The following HOXC4 variants were observed in gnomAD, a reference collection of about 807,000 sequenced individuals.
The protein encoded by HOXC4 is homeobox protein Hox-C4.
A neutral mutation model predicts 25.5 loss-of-function variants in HOXC4; 15 were observed. The ratio of observed to expected loss-of-function variants is 0.59; its 90% CI spans 0.39 to 0.91. HOXC4 has a LOEUF of 0.91. Ranked by LOEUF, HOXC4 falls within the 40% of genes least tolerant of loss-of-function variation. The pLI is 0.00. For missense variants in HOXC4, 342 were observed against 352.4 expected (o/e 0.97, Z 0.24); for synonymous variants, 165 against 148.0 (o/e 1.11, Z -0.83).
intron 1 of HOXC4, among the ~76,000 whole-genome samples, chr12:54,026,171 A>G (rs1244592404): frequency 6.6e-6 from 1 of 152,064 alleles, no homozygotes; most frequent in African/African-American, 2.4e-5. Context: ...TACTTGTTAC[A>G]CCACTACCCT....
intron 1 of HOXC4, among the ~76,000 whole-genome samples, chr12:54,042,113 G>A (rs1941286245): frequency 6.6e-6 from 1 of 151,896 alleles, no homozygotes; most frequent in African/African-American, 2.4e-5. Context: ...TGAGTAGCTG[G>A]GATTAGAGGC....
intron 1 of HOXC4, among the ~76,000 whole-genome samples, chr12:54,032,431 C>T (rs1941020799): frequency 6.6e-6 from 1 of 152,232 alleles, no homozygotes; most frequent in Admixed American, 6.5e-5. Flanking sequence ...GGGACTTCTA[C>T]CTTTGGTTTA....
At chr12:54,050,847 T>C (rs574115884), upstream of HOXC4, among the ~76,000 whole-genome samples, 583 of 152,318 alleles carry the variant, frequency 3.8e-3, 4 homozygotes, top group South Asian at 5.2e-3. Flanking sequence ...TACATATTTA[T>C]AGCTGCATAA....
At chr12:54,023,793 G>A (rs1015240354) in intron 1 of HOXC4, among the ~76,000 whole-genome samples, 6 of 152,080 alleles carry the variant, frequency 3.9e-5, no homozygotes, top group Non-Finnish European at 7.4e-5. Flanking sequence ...TGTGTGTAGC[G>A]GGGGCAGGTA....
At chr12:54,024,488 A>G (rs921250424) in intron 1 of HOXC4, among the ~76,000 whole-genome samples, 1 of 152,138 alleles carries the variant, frequency 6.6e-6, no homozygotes, top group African/African-American at 2.4e-5. Flanking sequence ...AGACAGGGAG[A>G]ACACAACTAA....
At chr12:54,028,669 T>A in intron 1 of HOXC4, 1 of 1,614,146 alleles carries the variant, frequency 6.2e-7, no homozygotes, top group Non-Finnish European at 8.5e-7. Context: ...GAACCGGATC[T>A]ACTCGACTCC....
intron 1 of HOXC4, chr12:54,020,985 C>T (rs1389534887): frequency 1.3e-5 from 2 of 152,242 alleles, no homozygotes; most frequent in Admixed American, 6.5e-5. Context: ...TTTTCACGGG[C>T]ATGGTGGGGC....
At chr12:54,022,100 C>T (rs1193505735) in intron 1 of HOXC4, 2 of 152,278 alleles carry the variant, frequency 1.3e-5, no homozygotes, top group African/African-American at 4.8e-5. Context: ...GCTTTTCTTC[C>T]TTCCCCTGGT....
At chr12:54,023,923 C>T (rs1234714255) in intron 1 of HOXC4, among the ~76,000 whole-genome samples, 5 of 152,184 alleles carry the variant, frequency 3.3e-5, no homozygotes, top group South Asian at 4.1e-4. Context: ...GACCAGGAGG[C>T]TCTTTGCGAT....
chr12:54,054,142 G>A lies in HOXC4; in HGVS notation c.220G>A (p.Gly74Arg). 6.2e-7 allele frequency: 1 copy of A among 1,614,002 alleles called. No individual in the cohort carries two copies. The highest frequency in any genetic ancestry group is 8.5e-7 in the Non-Finnish European group (1 of 1,179,982). ...CCAGTATAGCTGCACCAGTCTCCAGGGGCCCGGCAATTCGCGAGGCCACGG... is the reference window on the plus strand; with the variant it reads ...CCAGTATAGCTGCACCAGTCTCCAGAGGCCCGGCAATTCGCGAGGCCACGG... The part of the protein sequence containing the change: ...ERQYSCTSLQ[G>R]PGNSRGHGPA... Residue 74 changes from glycine (G) to arginine (R), a missense_variant, in exon 1 of 2, where the codon GGG becomes AGG. Gly to Arg is a moderately radical substitution (Grantham distance 125). Coordinates refer to ENST00000430889, the MANE Select transcript of HOXC4 (RefSeq NM_153633.3).
intron 1 of HOXC4, among the ~76,000 whole-genome samples, chr12:54,019,563 C>T (rs1023638693): frequency 6.6e-6 from 1 of 152,298 alleles, no homozygotes; most frequent in Non-Finnish European, 1.5e-5. Flanking sequence ...TGGATGGCCG[C>T]TGATGGGGGG....
At chr12:54,028,825 C>G in intron 1 of HOXC4, 1 of 1,614,160 alleles carries the variant, frequency 6.2e-7, no homozygotes, top group Non-Finnish European at 8.5e-7. Flanking sequence ...CTCAATCGCT[C>G]AGGATTTTAG....
chr12:54,018,843 C>T (rs1333266559), intron 1 of HOXC4, among the ~76,000 whole-genome samples: 1 of 152,152 alleles, frequency 6.6e-6, no homozygotes, highest in Non-Finnish European at 1.5e-5. Flanking sequence ...CCCCCTCTAC[C>T]CCCACCCTCT....
chr12:54,029,883 G>A (rs1337060472), intron 1 of HOXC4: 4 of 1,602,412 alleles, frequency 2.5e-6, no homozygotes, highest in Non-Finnish European at 3.4e-6. Flanking sequence ...TCGGGGGGCG[G>A]CGGAGGGGCC....
chr12:54,025,408 G>C (rs960773439), intron 1 of HOXC4, among the ~76,000 whole-genome samples: 1 of 151,810 alleles, frequency 6.6e-6, no homozygotes, highest in African/African-American at 2.4e-5. Flanking sequence ...AGGGAAGATC[G>C]GGCTCATCTG....
intron 1 of HOXC4, among the ~76,000 whole-genome samples, chr12:54,044,067 C>T (rs1372600172): frequency 6.6e-6 from 1 of 151,644 alleles, no homozygotes; most frequent in African/African-American, 2.4e-5. Context: ...ATTGAGGGTG[C>T]TTTTCCTGTT....
chr12:54,038,934 C>A (rs769894927), intron 1 of HOXC4, among the ~76,000 whole-genome samples: 1 of 152,102 alleles, frequency 6.6e-6, no homozygotes, highest in Non-Finnish European at 1.5e-5. Flanking sequence ...CAGGCTAGGG[C>A]GCCCTTCAGG....
At chr12:54,024,928 C>G (rs1412184541) in intron 1 of HOXC4, among the ~76,000 whole-genome samples, 1 of 152,240 alleles carries the variant, frequency 6.6e-6, no homozygotes, top group East Asian at 1.9e-4. Flanking sequence ...AAGCAAGTGG[C>G]AATTTTTCCC....
chr12:54,025,538 G>GC (rs1940658597), intron 1 of HOXC4, among the ~76,000 whole-genome samples: 1 of 74,126 alleles, frequency 1.3e-5, no homozygotes, highest in African/African-American at 5.8e-5. Flanking sequence ...GGGGGGGGGG[G>GC]AGGTGTTGAA....
Sources: gnomAD v4.1 joint callset for allele counts (sites outside exome capture counted in the v4.1 genomes callset) on GRCh38, gnomAD v4.1.1 for gene constraint, MANE v1.5 for transcripts, NCBI Gene and HGNC (gene_info 2026-07-23, HGNC 2026-07-21) for gene names.